The following PLEKHM2 variants were observed in gnomAD, a reference collection of about 807,000 sequenced individuals.
PLEKHM2 encodes pleckstrin homology domain-containing family M member 2.
A neutral mutation model predicts 116.3 loss-of-function variants in PLEKHM2; 77 were observed. The ratio of observed to expected loss-of-function variants is 0.66; its 90% CI spans 0.55 to 0.80. The LOEUF is 0.80. Ranked by LOEUF, PLEKHM2 falls within the 30% of genes least tolerant of loss-of-function variation. The pLI is 0.00. For missense variants in PLEKHM2, 1,183 were observed against 1,354.9 expected, an observed-to-expected ratio of 0.87 and a Z score of 1.99; for synonymous variants, 562 against 571.0, an observed-to-expected ratio of 0.98 and a Z score of 0.22.
chr1:15,720,973 A>T (rs2067990182), intron 6 of PLEKHM2: 1 of 195,636 alleles, frequency 5.1e-6, no homozygotes, highest in East Asian at 1.3e-4. Context: ...TGCAGCTGCC[A>T]GGGCAGTGTC....
At chr1:15,733,519 C>T (rs1207524137) in intron 19 of PLEKHM2, among the ~76,000 whole-genome samples, 4 of 152,346 alleles carry the variant, frequency 2.6e-5, no homozygotes, top group South Asian at 2.1e-4. Context: ...CACCTCCCTG[C>T]AGAGCCAAAC....
chr1:15,732,325 T>G, intron 17 of PLEKHM2, 25 bp from the exon 18 acceptor site: 1 of 1,539,030 alleles, frequency 6.5e-7, no homozygotes, highest in South Asian at 1.2e-5. Context: ...GGCCCCAGCC[T>G]GCCTCTCCCC....
At chr1:15,707,782 T>C (rs1414840862) in intron 1 of PLEKHM2, among the ~76,000 whole-genome samples, 1 of 152,208 alleles carries the variant, frequency 6.6e-6, no homozygotes, top group Non-Finnish European at 1.5e-5. Context: ...CAGCAAGGGC[T>C]GTTGGTAGAG....
intron 1 of PLEKHM2, among the ~76,000 whole-genome samples, chr1:15,714,937 C>G (rs1641413756): frequency 6.6e-6 from 1 of 152,226 alleles, no homozygotes. Context: ...AGTCCAATAT[C>G]TGGGCTTTCT....
chr1:15,710,913 G>GC (rs1469784283), intron 1 of PLEKHM2, among the ~76,000 whole-genome samples: 1 of 152,168 alleles, frequency 6.6e-6, no homozygotes, highest in Non-Finnish European at 1.5e-5. Context: ...CGTGGCTCAT[G>GC]CCTGTAATCC....
At position 15,727,020 on chromosome 1, in the gene PLEKHM2, C is replaced by A. The variant is rs1479144319; in HGVS notation, c.948C>A (p.Thr316=). ...CCCGTCGTTACTGTCCCAGGGTCAC[C>A]AAGAAGAAGAAAATTGGCAAGAAGA... ...ACTELEVIRV[T]KKKKIGKKKK... is the part of the protein sequence containing the mutation. Residue 316 remains threonine (T), a synonymous_variant, in exon 9 of 20, where the codon ACC becomes ACA. Transcript: ENST00000375799. The surrounding 1 kb of genome is among the most constrained non-coding windows in gnomAD (Gnocchi z 7.5). 1 of 1,471,882 alleles carries A rather than the reference C, an allele frequency of 6.8e-7. No homozygotes were observed. 91.2% of individuals were successfully genotyped at this position (1,471,882 alleles called of 1,614,324 possible). A position where few individuals can be genotyped will look rare whatever the true frequency, so the allele number is the denominator to read the frequency against.
chr1:15,725,910 G>A, intron 8 of PLEKHM2: 1 of 270,092 alleles, frequency 3.7e-6, no homozygotes, highest in Non-Finnish European at 7.2e-6. Context: ...AGCTCTCTAG[G>A]GTCCCTTTTA....
rs1319734135 is a variant in PLEKHM2, at chr1:15,727,921, A to G, written c.1760+89A>G. On this transcript the variant is annotated intron_variant, in intron 9 of 19. Coordinates refer to ENST00000375799, the MANE Select transcript of PLEKHM2 (RefSeq NM_015164.4). The surrounding 1 kb of genome is among the most constrained non-coding windows in gnomAD (Gnocchi z 7.5). ...CTGACCTCCAGATAAATTAAGCACT[A>G]GGAAGACCTAGCCTGAGTGAGAAGG... The G allele has an allele frequency of 2.4e-6, 3 of 1,251,464 alleles. No individual in the cohort carries two copies. The Admixed American group carries it at 6.4e-5, about 27-fold the overall frequency. The allele number at this position is 1,251,464 out of a possible 1,614,324, so 77.5% of individuals were successfully genotyped here.
At chr1:15,701,815 A>C (rs1185319194) in intron 1 of PLEKHM2, among the ~76,000 whole-genome samples, 3 of 151,896 alleles carry the variant, frequency 2.0e-5, no homozygotes, top group Non-Finnish European at 4.4e-5. Context: ...AAAAGACCCC[A>C]GCCTGCCTGC....
At chr1:15,707,420 T>A (rs949226166) in intron 1 of PLEKHM2, among the ~76,000 whole-genome samples, 2 of 152,110 alleles carry the variant, frequency 1.3e-5, no homozygotes, top group Non-Finnish European at 2.9e-5. Context: ...TGAGACCTGT[T>A]TCTAAAAACA....
rs1343086749 is a variant in PLEKHM2 at position 15,719,143 on chromosome 1, C to T, written c.465+518C>T. On this transcript the variant is annotated intron_variant, in intron 5 of 19. Coordinates refer to ENST00000375799, the MANE Select transcript of PLEKHM2 (RefSeq NM_015164.4). The surrounding 1 kb of genome is among the most constrained non-coding windows in gnomAD (Gnocchi z 4.1). ...GGGCTCAAAATGGATGCAGCTGCCC[C>T]GTCCTAATCAAATGACCTTCCTTGG... is the stretch of plus-strand genomic sequence containing the variant. 3.3e-5 allele frequency among the ~76,000 whole-genome samples: 5 copies of T among 152,164 alleles called. No individual in the cohort carries two copies. The highest frequency in any genetic ancestry group is 1.2e-4 in the African/African-American group (5 of 41,444).
At chr1:15,687,244 G>A (rs368243627) in intron 1 of PLEKHM2, among the ~76,000 whole-genome samples, 40 of 152,138 alleles carry the variant, frequency 2.6e-4, no homozygotes, top group East Asian at 2.1e-3. Context: ...TCAGCTCGCT[G>A]CAAGCTCCGT....
Position 15,727,575 on chromosome 1 carries a change from C to T in PLEKHM2, c.1503C>T (p.Gly501=). ...LHVPSSPEAA[G]QEEEGGGGEG... ...TTCCTAGTAGCCCTGAGGCTGCTGG[C>T]CAAGAAGAAGAGGGAGGAGGAGGAG... is the stretch of plus-strand genomic sequence containing the variant. The change falls in exon 9 of 20, where the codon GGC becomes GGT. Residue 501 remains glycine, a synonymous_variant. Transcript: ENST00000375799. The surrounding 1 kb of genome is among the most constrained non-coding windows in gnomAD (Gnocchi z 7.5). 1 of 1,576,542 alleles carries T rather than the reference C, an allele frequency of 6.3e-7. No homozygotes were observed.
At chr1:15,725,584 G>A (rs1218945942) in intron 8 of PLEKHM2, 39 bp downstream of exon 8, 3 of 1,418,896 alleles carry the variant, frequency 2.1e-6, no homozygotes, top group East Asian at 2.5e-5. Context: ...TGAGGTCCTG[G>A]GGTCCAACCT....
intron 1 of PLEKHM2, among the ~76,000 whole-genome samples, chr1:15,707,088 G>A (rs1469865798): frequency 6.9e-6 from 1 of 144,860 alleles, no homozygotes. Flanking sequence ...TGCGGTCTCT[G>A]AGACAAACTC....
chr1:15,720,147 T>A (rs897613361), intron 6 of PLEKHM2, among the ~76,000 whole-genome samples: 5 of 113,852 alleles, frequency 4.4e-5, no homozygotes, highest in African/African-American at 2.0e-4. Flanking sequence ...TATATATATA[T>A]ATAAAATATA....
At chr1:15,701,331 G>A (rs978935302) in intron 1 of PLEKHM2, among the ~76,000 whole-genome samples, 4 of 151,008 alleles carry the variant, frequency 2.6e-5, no homozygotes, top group Admixed American at 6.6e-5. Flanking sequence ...TACTCGAGAG[G>A]CTGAGGCAGG....
chr1:15,709,979 A>G (rs1488571961), intron 1 of PLEKHM2, among the ~76,000 whole-genome samples: 21 of 152,034 alleles, frequency 1.4e-4, no homozygotes, highest in Non-Finnish European at 2.9e-5. Flanking sequence ...TAATCCTAGC[A>G]CTTTGGAGGC....
intron 7 of PLEKHM2, among the ~76,000 whole-genome samples, chr1:15,723,908 G>A (rs1195882327): frequency 6.6e-6 from 1 of 152,250 alleles, no homozygotes. Context: ...AGCAAGATGA[G>A]CATTGGCCGG....
Sources: gnomAD v4.1 joint callset for allele counts (sites outside exome capture counted in the v4.1 genomes callset) on GRCh38, gnomAD v4.1.1 for gene constraint, Gnocchi (gnomAD v3.1) non-coding constraint, MANE v1.5 for transcripts, NCBI Gene and HGNC (gene_info 2026-07-23, HGNC 2026-07-21) for gene names.